Variants in MCF2L observed in about 807,000 individuals in gnomAD.
MCF2L encodes the protein MCF.2 cell line derived transforming sequence like.
MCF2L carries 97 observed loss-of-function variants against 153.4 expected under a neutral mutation model. That is an observed-to-expected ratio of 0.63 (90% CI 0.54 to 0.75). The LOEUF is 0.75. MCF2L is among the 30% of genes least tolerant of loss of function. The pLI is 0.00. For missense variants in MCF2L, 1,347 were observed against 1,495.2 expected, an observed-to-expected ratio of 0.90 and a Z score of 1.64; for synonymous variants, 659 against 632.2, an observed-to-expected ratio of 1.04 and a Z score of -0.64.
chr13:112,943,756 G>A lies in MCF2L; in HGVS notation c.169+41385G>A, dbSNP rs1296748511. On this transcript the variant is annotated intron_variant, in intron 2 of 29. Coordinates refer to the MCF2L transcript ENST00000375608. This position sits in a 1 kb window ranked among gnomAD's most constrained non-coding sequence, Gnocchi z 4.2. ...TGCGGTGGCTCGGCTCGGGCCGGCGGAGATCTGGGAGCATTTTCTGGAAGC... is the reference window on the plus strand; with the variant it reads ...TGCGGTGGCTCGGCTCGGGCCGGCGAAGATCTGGGAGCATTTTCTGGAAGC... 6.6e-6 allele frequency among the ~76,000 whole-genome samples: 1 copy of A among 152,130 alleles called. No homozygotes were observed. Among genetic ancestry groups the A allele is most frequent in the African/African-American group, 2.4e-5 (1 of 41,448 alleles).
chr13:113,071,985 T>C (rs2032965438), intron 9 of MCF2L, among the ~76,000 whole-genome samples: 1 of 152,236 alleles, frequency 6.6e-6, no homozygotes, highest in African/African-American at 2.4e-5. Context: ...ACTCTTCTAG[T>C]CAACAAACAT....
intron 2 of MCF2L, among the ~76,000 whole-genome samples, chr13:112,940,088 G>T (rs956817286): frequency 3.9e-5 from 6 of 152,090 alleles, no homozygotes; most frequent in Non-Finnish European, 8.8e-5. Context: ...TTATACAACG[G>T]GGGGTGGGGG....
At chr13:112,935,455 C>T (rs909887799) in intron 2 of MCF2L, among the ~76,000 whole-genome samples, 12 of 152,096 alleles carry the variant, frequency 7.9e-5, no homozygotes, top group Admixed American at 6.5e-4. Flanking sequence ...TGGGATTTCA[C>T]CATGTTGGCC....
At chr13:112,896,378 G>A (rs2081067990) in intron 1 of MCF2L, among the ~76,000 whole-genome samples, 1 of 152,120 alleles carries the variant, frequency 6.6e-6, no homozygotes, top group Non-Finnish European at 1.5e-5. Context: ...GAGGACCCCA[G>A]GGAAGACTTT....
At chr13:113,024,183 C>T (rs1409501078) in intron 2 of MCF2L, among the ~76,000 whole-genome samples, 3 of 152,198 alleles carry the variant, frequency 2.0e-5, no homozygotes, top group Non-Finnish European at 2.9e-5. Flanking sequence ...CTAGACGATA[C>T]CCACAAACAG....
At chr13:112,908,908 T>C (rs2081200782) in intron 2 of MCF2L, among the ~76,000 whole-genome samples, 1 of 152,028 alleles carries the variant, frequency 6.6e-6, no homozygotes, top group Non-Finnish European at 1.5e-5. Flanking sequence ...GTATTTTTAG[T>C]AGAGACGGGG....
rs528921311 is a variant in MCF2L at position 113,078,263 on chromosome 13, G to T, written c.1661-100G>T. On this transcript the variant is annotated intron_variant, in intron 13 of 29. Transcript: ENST00000535094. ...GCCACCACCTGTGGCCTCAGAGGCC[G>T]AGTCCTACCCTCTCCTCGGGGCCTT... The T allele has an allele frequency of 1.9e-5, 18 of 961,608 alleles. No homozygotes were observed. In the South Asian group the frequency reaches 2.1e-4, roughly 11 times the overall value. 59.6% of individuals were successfully genotyped at this position (961,608 alleles called of 1,614,324 possible).
In MCF2L at chr13:113,088,339, G is replaced by C. The variant is rs753156751; in HGVS notation, c.2701G>C (p.Glu901Gln). 20 of 1,614,026 alleles carry C rather than the reference G, an allele frequency of 1.2e-5. No homozygotes were observed. The Middle Eastern group carries it at 6.6e-4, about 53-fold the overall frequency. Residue 901 changes from glutamate (E) to glutamine (Q), a missense_variant, in exon 24 of 30, where the codon GAG (glutamate) becomes CAG (glutamine). Coordinates refer to ENST00000535094, the MANE Select transcript of MCF2L (RefSeq NM_001112732.3). The stretch of plus-strand genomic sequence containing the variant: ...TTTGGGGAAACAGGCGCCAACTCCT[G>C]AGATTAAAGCCGCGTGGGTGAATGA... Reference protein sequence around the residue: ...EVYIVQAPTPEIKAAWVNEIR... With the variant: ...EVYIVQAPTPQIKAAWVNEIR...
chr13:113,026,945 G>A (rs752725748), intron 3 of MCF2L: 22 of 777,130 alleles, frequency 2.8e-5, no homozygotes, highest in Middle Eastern at 4.5e-4. Flanking sequence ...TCTCTCATCT[G>A]ATGTGCTCGT....
At chr13:112,946,393 C>T (rs1259541908) in intron 2 of MCF2L, among the ~76,000 whole-genome samples, 1 of 152,062 alleles carries the variant, frequency 6.6e-6, no homozygotes, top group Non-Finnish European at 1.5e-5. Context: ...AAACGTATTG[C>T]TTTGTTTAAT....
intron 8 of MCF2L, among the ~76,000 whole-genome samples, chr13:113,066,876 C>A (rs1488569286): frequency 6.6e-6 from 1 of 152,256 alleles, no homozygotes; most frequent in Admixed American, 6.5e-5. Flanking sequence ...AGGCCTGGAC[C>A]AAGCTGGTCC....
intron 2 of MCF2L, among the ~76,000 whole-genome samples, chr13:112,935,513 TC>T (rs1430239800): frequency 6.6e-6 from 1 of 152,134 alleles, no homozygotes; most frequent in Non-Finnish European, 1.5e-5. Flanking sequence ...TGTCTCGGCC[TC>T]CCAAAATGCT....
intron 2 of MCF2L, among the ~76,000 whole-genome samples, chr13:112,954,002 C>T (rs1413765712): frequency 6.6e-6 from 1 of 152,236 alleles, no homozygotes; most frequent in Non-Finnish European, 1.5e-5. Flanking sequence ...AACGCTGTGG[C>T]ATGCTGGGCT....
In MCF2L at chr13:113,031,286, CAG is replaced by C; in HGVS notation, c.278+6532_278+6533del. 6.6e-6 allele frequency among the ~76,000 whole-genome samples: 1 copy of C among 152,128 alleles called. No homozygotes were observed. Among genetic ancestry groups the C allele is most frequent in the South Asian group, 2.1e-4 (1 of 4,800 alleles). On this transcript the variant is annotated intron_variant, in intron 3 of 29. Transcript: ENST00000535094. The surrounding 1 kb of genome is among the most constrained non-coding windows in gnomAD (Gnocchi z 5.5). ...ACAGACAGACAGAGACACGGAGACA[CAG>C]AGATAAAGAGAGCACGAGGGAGGCA...
intron 26 of MCF2L, among the ~76,000 whole-genome samples, chr13:113,092,047 G>A (rs541011376): frequency 1.1e-4 from 16 of 152,298 alleles, no homozygotes; most frequent in South Asian, 6.2e-4. Flanking sequence ...GTGGGCGCCC[G>A]GCTTGCTGCT....
chr13:113,079,498 C>T (rs1010453925), intron 15 of MCF2L, among the ~76,000 whole-genome samples: 2 of 152,168 alleles, frequency 1.3e-5, no homozygotes, highest in African/African-American at 2.4e-5. Context: ...AACCACGTCT[C>T]CCCCTTTCAC....
chr13:112,931,704 C>A (rs1237244881), intron 2 of MCF2L, among the ~76,000 whole-genome samples: 1 of 152,140 alleles, frequency 6.6e-6, no homozygotes, highest in East Asian at 1.9e-4. Context: ...CTTAGAGAAA[C>A]CGCAGATTCC....
intron 2 of MCF2L, among the ~76,000 whole-genome samples, chr13:112,950,738 G>T (rs2081683871): frequency 6.6e-6 from 1 of 152,112 alleles, no homozygotes; most frequent in Non-Finnish European, 1.5e-5. Flanking sequence ...TTCTAACAAT[G>T]AACTACAAAT....
At chr13:112,912,519 G>C (rs1224907726) in intron 2 of MCF2L, among the ~76,000 whole-genome samples, 1 of 152,236 alleles carries the variant, frequency 6.6e-6, no homozygotes, top group East Asian at 1.9e-4. Flanking sequence ...GTTTCACCAT[G>C]TTGGCCAGGC....
Sources: gnomAD v4.1 joint callset for allele counts (sites outside exome capture counted in the v4.1 genomes callset) on GRCh38, gnomAD v4.1.1 for gene constraint, Gnocchi (gnomAD v3.1) non-coding constraint, MANE v1.5 for transcripts, NCBI Gene and HGNC (gene_info 2026-07-23, HGNC 2026-07-21) for gene names.